The following PLEKHG5 variants were observed in gnomAD, a reference collection of about 807,000 sequenced individuals.
The protein encoded by PLEKHG5 is pleckstrin homology domain-containing family G member 5.
In PLEKHG5, 52 loss-of-function variants were observed where a neutral mutation model predicts 103.8. The observed-to-expected ratio is 0.50, with a 90% CI of 0.40 to 0.63. The LOEUF (loss-of-function observed/expected upper bound fraction) is 0.63, where lower values mean the gene tolerates loss of function less well. Ranked by LOEUF, PLEKHG5 falls within the 30% of genes least tolerant of loss-of-function variation. The pLI is 0.00. For synonymous variants in PLEKHG5, 592 were observed against 575.5 expected, an observed-to-expected ratio of 1.03 and a Z score of -0.41; for missense variants, 1,205 against 1,347.6, an observed-to-expected ratio of 0.89 and a Z score of 1.66.
chr1:6,473,280 A>G lies in PLEKHG5; in HGVS notation c.766T>C (p.Ser256Pro), dbSNP rs1208436097. ...AASRFSGFFS[S>P]GPSTSAFGRE... Reference sequence around the variant, plus strand: ...CCAAAGGCGCTGGTGCTGGGGCCGGAGCTGAAAAAGCCGCTGAAGCGACTG... The same window carrying G: ...CCAAAGGCGCTGGTGCTGGGGCCGGGGCTGAAAAAGCCGCTGAAGCGACTG... Residue 256 changes from serine to proline, a missense_variant, in exon 8 of 21, where the codon TCC (serine) becomes CCC (proline). Ser to Pro is a moderately conservative substitution (Grantham distance 74, BLOSUM62 -1). Transcript: ENST00000377728. The G allele has an allele frequency of 6.2e-7, 1 of 1,603,892 alleles. No homozygotes were observed. The highest frequency in any genetic ancestry group is 1.3e-5 in the African/African-American group (1 of 74,734).
upstream of PLEKHG5, among the ~76,000 whole-genome samples, chr1:6,499,892 T>C (rs548213532): frequency 1.7e-3 from 255 of 152,290 alleles, no homozygotes; most frequent in African/African-American, 5.9e-3. Context: ...CTCGACCTCC[T>C]GGGCACAAGT....
rs773618556 is a variant in PLEKHG5 at position 6,467,869 on chromosome 1, G to A, written c.2967C>T (p.Tyr989=). 21 of 1,612,582 alleles carry A rather than the reference G, an allele frequency of 1.3e-5. No homozygotes were observed. The African/African-American group carries it at 2.7e-4, about 20-fold the overall frequency. The change falls in exon 20 of 21, where the codon TAC becomes TAT. Residue 989 remains tyrosine, a synonymous_variant. Transcript: ENST00000377728. ...QHRKLTLAQL[Y]RIRTTLLLNS... ...TAAGCAGCAGGGTGGTCCTGATTCG[G>A]TAGAGCTGGGCCAGGGTCAGCTTCC...
intron 1 of PLEKHG5, among the ~76,000 whole-genome samples, chr1:6,504,169 G>A (rs895389558): frequency 1.6e-4 from 24 of 152,260 alleles, no homozygotes; most frequent in Admixed American, 1.2e-3. Context: ...GGAAGCTGCC[G>A]GGTGAAGAAA....
chr1:6,477,743 T>C, intron 1 of PLEKHG5, 85 bp from the exon 2 acceptor site: 1 of 1,405,088 alleles, frequency 7.1e-7, no homozygotes, highest in Admixed American at 1.8e-5. Flanking sequence ...GGACTTAGAA[T>C]GAACTGCCCT....
In PLEKHG5 at chr1:6,468,159, C is replaced by T. The variant is rs200407689; in HGVS notation, c.2677G>A (p.Gly893Arg). ...CTGCGGCTGGGGGCAGAGGGTGTCC[C>T]ATGGGTGCCAGCCCCTGCCAGCAGC... ...LQLLAGAGTH[G>R]TPSAPSRSLS... The change falls in exon 20 of 21, where the codon GGG becomes AGG. Residue 893 changes from glycine to arginine, a missense_variant. Gly to Arg is a moderately radical substitution (Grantham distance 125). Transcript: ENST00000377728. 1.4e-4 allele frequency: 221 copies of T among 1,569,610 alleles called. 1 individual carries two copies. In the African/African-American group the frequency reaches 2.7e-3, roughly 19 times the overall value.
chr1:6,468,011 A>T lies in PLEKHG5; in HGVS notation c.2825T>A (p.Val942Asp). 6.4e-7 allele frequency: 1 copy of T among 1,554,246 alleles called. No individual in the cohort carries two copies. ...APSPGSGPGL[V>D]GCLAGEPAGS... is the part of the protein sequence containing the mutation. The stretch of plus-strand genomic sequence containing the variant: ...TGCAGGTTCCCCGGCCAGGCAGCCG[A>T]CTAGCCCAGGACCGCTGCCAGGGCT... The change falls in exon 20 of 21, where the codon GTC (valine) becomes GAC (aspartate). Residue 942 changes from valine to aspartate, a missense_variant. Coordinates refer to ENST00000377728, the MANE Select transcript of PLEKHG5 (RefSeq NM_020631.6).
chr1:6,490,673 G>C lies in PLEKHG5; in HGVS notation c.-88+964C>G, dbSNP rs1162483884. The C allele has an allele frequency of 4.5e-6, 4 of 880,420 alleles. No homozygotes were observed. Among genetic ancestry groups the C allele is most frequent in the Admixed American group, 6.2e-5 (1 of 16,132 alleles). The allele number at this position is 880,420 out of a possible 1,614,324, so 54.5% of individuals were successfully genotyped here. On this transcript the variant is annotated intron_variant, in intron 1 of 20. Coordinates refer to ENST00000377728, the MANE Select transcript of PLEKHG5 (RefSeq NM_020631.6). This position sits in a 1 kb window ranked among gnomAD's most constrained non-coding sequence, Gnocchi z 8.0. ...CCAACGGCGCCGCCCGGCTGGGACC[G>C]GGGAGAGGAGGGGTCCCAGGAAGGG...
At chr1:6,500,586 TC>T (rs1409966322), upstream of PLEKHG5, among the ~76,000 whole-genome samples, 4 of 104,038 alleles carry the variant, frequency 3.8e-5, no homozygotes, top group Admixed American at 3.2e-4. Context: ...AATCTTGAAC[TC>T]CCCCCTCCCC....
exon 1 of PLEKHG5, chr1:6,519,446 G>A (rs551065658): frequency 2.5e-5 from 40 of 1,610,164 alleles, no homozygotes; most frequent in Admixed American, 8.3e-5. Flanking sequence ...CATACTCACC[G>A]GTTCCTGAAC....
chr1:6,475,523 C>A lies in PLEKHG5; in HGVS notation c.150-1G>T. 1 of 1,613,342 alleles carries A rather than the reference C, an allele frequency of 6.2e-7. No individual in the cohort carries two copies. Among genetic ancestry groups the A allele is most frequent in the Non-Finnish European group, 8.5e-7 (1 of 1,179,842 alleles). On this transcript the variant is annotated splice_acceptor_variant, in intron 3 of 20. Coordinates refer to ENST00000377728, the MANE Select transcript of PLEKHG5 (RefSeq NM_020631.6). LOFTEE classifies it high-confidence loss of function. ...TTTCAGGCCTGTGCTCTTCCGGTCC[C>A]TGCAGGGAAGCGAGGAGGGCAGAGG...
intron 6 of PLEKHG5, 116 bp from the exon 7 acceptor site, chr1:6,474,280 C>T: frequency 7.2e-7 from 1 of 1,385,596 alleles, no homozygotes; most frequent in South Asian, 1.2e-5. Flanking sequence ...CCCCGACAGC[C>T]CCGCCCTGCC....
chr1:6,483,366 CT>C lies in PLEKHG5; in HGVS notation c.-87-5709del, dbSNP rs1238068730. Among the ~76,000 whole-genome samples, 3 of 152,312 alleles carry C rather than the reference CT, an allele frequency of 2.0e-5. No homozygotes were observed. In the East Asian group the frequency reaches 5.8e-4, roughly 29 times the overall value. Reference sequence around the variant, plus strand: ...CCTTCAGGAGTGATCTTCAACTGTGCTTGTGGGGCTTGAAGTGAGGGTGATG... The same window carrying C: ...CCTTCAGGAGTGATCTTCAACTGTGCTGTGGGGCTTGAAGTGAGGGTGATG... On this transcript the variant is annotated intron_variant, in intron 1 of 20. Transcript: ENST00000377728.
intron 10 of PLEKHG5, 116 bp from the exon 11 acceptor site, chr1:6,471,924 C>G: frequency 1.9e-6 from 2 of 1,031,338 alleles, no homozygotes; most frequent in Admixed American, 2.0e-5. Flanking sequence ...GGAGGCCCCA[C>G]AGCAGCCACG....
chr1:6,472,764 A>T (rs1464465748), intron 9 of PLEKHG5, 142 bp from the exon 10 acceptor site: 1 of 755,604 alleles, frequency 1.3e-6, no homozygotes, highest in Admixed American at 2.0e-5. Flanking sequence ...CCTTGACACC[A>T]CATGAGTAAT....
At chr1:6,471,840 C>T (rs1192574531) in intron 10 of PLEKHG5, 32 bp from the exon 11 acceptor site, 4 of 1,582,004 alleles carry the variant, frequency 2.5e-6, no homozygotes, top group Non-Finnish European at 3.4e-6. Context: ...TGACTGGGGT[C>T]GGGAGGCTGT....
chr1:6,518,001 T>C (rs537056961), intron 1 of PLEKHG5, among the ~76,000 whole-genome samples: 17 of 152,132 alleles, frequency 1.1e-4, no homozygotes, highest in African/African-American at 3.9e-4. Context: ...GGCTCCATCT[T>C]GGCTCACTGC....
intron 7 of PLEKHG5, 33 bp downstream of exon 7, chr1:6,473,980 A>AC: frequency 1.2e-4 from 64 of 515,858 alleles, no homozygotes; most frequent in Admixed American, 8.9e-4. Context: ...GCCCCTTCCC[A>AC]CCCCCTCCCC....
chr1:6,497,259 G>A, upstream of PLEKHG5: 1 of 898,640 alleles, frequency 1.1e-6, no homozygotes, highest in Non-Finnish European at 1.7e-6. The surrounding 1 kb of genome is among the most constrained non-coding windows in gnomAD (Gnocchi z 6.1). Flanking sequence ...GAGGAGGTTA[G>A]GAGCCGGCCC....
chr1:6,496,703 C>T (rs1645230923), upstream of PLEKHG5: 10 of 612,328 alleles, frequency 1.6e-5, no homozygotes, highest in South Asian at 2.7e-4. Context: ...GTCCCTTTCT[C>T]TTTTAAATGC....
Sources: allele counts gnomAD v4.1 joint callset (sites outside exome capture counted in the v4.1 genomes callset), GRCh38; gene constraint gnomAD v4.1.1; non-coding constraint Gnocchi (gnomAD v3.1); transcripts MANE v1.5; gene names NCBI Gene and HGNC (gene_info 2026-07-23, HGNC 2026-07-21).